Variants in LONP2 observed in about 807,000 individuals in gnomAD.
LONP2 encodes lon peptidase 2, peroxisomal.
LONP2 carries 60 observed loss-of-function variants against 85.6 expected under a neutral mutation model. The observed-to-expected ratio is 0.70, with a 90% confidence interval of 0.57 to 0.87. The LOEUF (loss-of-function observed/expected upper bound fraction) is 0.87, where lower values mean the gene tolerates loss of function less well. Among genes scored for constraint, LONP2 ranks in the 40% least tolerant of loss-of-function variants. The pLI is 0.00. For missense variants in LONP2, 860 were observed against 1,063.5 expected (o/e 0.81, Z 2.66); for synonymous variants, 395 against 389.7 (o/e 1.01, Z -0.16).
At chr16:48,328,583 C>T (rs1279417588) in intron 11 of LONP2, among the ~76,000 whole-genome samples, 1 of 150,754 alleles carries the variant, frequency 6.6e-6, no homozygotes, top group Non-Finnish European at 1.5e-5. Context: ...GAGGCTGAGG[C>T]AGGAGAATCA....
chr16:48,252,360 G>C lies in LONP2; in HGVS notation c.463G>C (p.Val155Leu). ...ELSEQFYKYAVQLVEMLDMSV... is the reference protein window; with the variant it reads ...ELSEQFYKYALQLVEMLDMSV... ...ATCAGAGCAGTTTTACAAATATGCA[G>C]TACAAGTAAGTTGCTTTTATTTTTT... The change falls in exon 2 of 15, where the codon GTA becomes CTA. Residue 155 changes from valine to leucine, a missense_variant. Coordinates refer to ENST00000285737, the MANE Select transcript of LONP2 (RefSeq NM_031490.5). 6.4e-7 allele frequency: 1 copy of C among 1,557,268 alleles called. No homozygotes were observed. The highest frequency in any genetic ancestry group is 8.7e-7 in the Non-Finnish European group (1 of 1,150,708).
intron 1 of LONP2, among the ~76,000 whole-genome samples, chr16:48,250,634 T>C (rs1002213539): frequency 1.3e-5 from 2 of 152,250 alleles, no homozygotes; most frequent in African/African-American, 4.8e-5. Flanking sequence ...GTAAACCCTT[T>C]AGGCCGGGGA....
intron 1 of LONP2, 131 bp downstream of exon 1, chr16:48,244,752 G>T: frequency 1.8e-6 from 1 of 553,480 alleles, no homozygotes; most frequent in Non-Finnish European, 2.8e-6. Flanking sequence ...CCGCCTCTCT[G>T]GTGCTATCAC....
At chr16:48,328,256 A>G (rs1168415035) in intron 11 of LONP2, among the ~76,000 whole-genome samples, 3 of 152,104 alleles carry the variant, frequency 2.0e-5, no homozygotes, top group African/African-American at 7.2e-5. Flanking sequence ...CTAAAAATAC[A>G]AAAATTGGGC....
intron 11 of LONP2, among the ~76,000 whole-genome samples, chr16:48,308,167 GA>G (rs1432609003): frequency 6.6e-6 from 1 of 152,168 alleles, no homozygotes; most frequent in African/African-American, 2.4e-5. Flanking sequence ...ACAGAATGCA[GA>G]AACTAGAAAT....
chr16:48,285,862 C>A (rs188421779), intron 8 of LONP2, among the ~76,000 whole-genome samples: 1 of 152,036 alleles, frequency 6.6e-6, no homozygotes, highest in African/African-American at 2.4e-5. Context: ...TAAGCACATT[C>A]GCATTGTTGT....
In LONP2 at chr16:48,265,335, GT is replaced by G. The variant is rs144139817; in HGVS notation, c.982+2467del. 6.7e-3 allele frequency among the ~76,000 whole-genome samples: 1,025 copies of G among 152,260 alleles called. 13 individuals carry two copies. Among genetic ancestry groups the G allele is most frequent in the African/African-American group, 0.023 (975 of 41,550 alleles). ...TTTTAAAATATATTTTGTTCTAGGAGTTTTACAGTTTCAGGCCTTACATTTA... is the reference window on the plus strand; with the variant it reads ...TTTTAAAATATATTTTGTTCTAGGAGTTTACAGTTTCAGGCCTTACATTTA... On this transcript the variant is annotated intron_variant, in intron 6 of 14. Coordinates refer to ENST00000285737, the MANE Select transcript of LONP2 (RefSeq NM_031490.5).
intron 7 of LONP2, among the ~76,000 whole-genome samples, chr16:48,276,191 G>A: frequency 6.6e-6 from 1 of 152,204 alleles, no homozygotes; most frequent in Non-Finnish European, 1.5e-5. Flanking sequence ...ACAGGACAAT[G>A]TTTATTGCCT....
intron 12 of LONP2, among the ~76,000 whole-genome samples, chr16:48,338,825 T>C (rs1210677992): frequency 1.3e-5 from 2 of 152,090 alleles, no homozygotes; most frequent in African/African-American, 4.8e-5. Context: ...GGAGGATCAC[T>C]TGAGCCTGGG....
chr16:48,256,137 T>G (rs972706860), intron 2 of LONP2, among the ~76,000 whole-genome samples: 1 of 152,184 alleles, frequency 6.6e-6, no homozygotes, highest in Non-Finnish European at 1.5e-5. Flanking sequence ...GATTAGAGAT[T>G]TAAAGAATAA....
chr16:48,296,011 C>T lies in LONP2; in HGVS notation c.1384-4C>T, dbSNP rs772010287. On this transcript the variant is annotated splice_polypyrimidine_tract_variant and splice_region_variant and intron_variant, in intron 8 of 14. Coordinates refer to ENST00000285737, the MANE Select transcript of LONP2 (RefSeq NM_031490.5). Reference sequence around the variant, plus strand: ...TTTTTAAAATGTTTTTTGTTCTCCCCTAGGTGTTGGATCCTGAACAAAACC... The same window carrying T: ...TTTTTAAAATGTTTTTTGTTCTCCCTTAGGTGTTGGATCCTGAACAAAACC... 3.1e-6 allele frequency: 5 copies of T among 1,611,086 alleles called. No homozygotes were observed. In the African/African-American group the frequency reaches 6.7e-5, roughly 22 times the overall value.
intron 11 of LONP2, among the ~76,000 whole-genome samples, chr16:48,310,942 C>T (rs777934286): frequency 7.2e-5 from 11 of 152,160 alleles, no homozygotes; most frequent in Admixed American, 2.6e-4. Context: ...ATACAAAATT[C>T]GAGTTTGACC....
At chr16:48,299,574 T>C (rs1258455301) in intron 9 of LONP2, 88 bp from the exon 10 acceptor site, 3 of 1,427,762 alleles carry the variant, frequency 2.1e-6, no homozygotes, top group Non-Finnish European at 1.9e-6. Context: ...AGAGCAAGAC[T>C]CTGTCTCTAA....
At chr16:48,314,213 G>A (rs1973094672) in intron 11 of LONP2, among the ~76,000 whole-genome samples, 4 of 151,464 alleles carry the variant, frequency 2.6e-5, no homozygotes, top group East Asian at 1.9e-4. Context: ...GACTTTTGTC[G>A]GGTGGATAGA....
rs1973197535 is a variant in LONP2, at chr16:48,318,686, G to A, written c.1795+15381G>A. ...CCTGCCACGTAAGCAAGTATACCTA[G>A]AGCCAAGGGGTCAGAGTGTCACAGA... On this transcript the variant is annotated intron_variant, in intron 11 of 14. Transcript: ENST00000285737. Among the ~76,000 whole-genome samples the A allele has an allele frequency of 1.2e-4, 19 of 152,292 alleles. No homozygotes were observed. In the South Asian group the frequency reaches 3.9e-3, roughly 32 times the overall value.
intron 6 of LONP2, among the ~76,000 whole-genome samples, chr16:48,264,473 G>T (rs1971947701): frequency 6.6e-6 from 1 of 152,188 alleles, no homozygotes; most frequent in Non-Finnish European, 1.5e-5. Flanking sequence ...AGAGTTTAAG[G>T]TTATCTCTCT....
chr16:48,343,249 C>T (rs1229626904), intron 12 of LONP2, among the ~76,000 whole-genome samples: 3 of 152,196 alleles, frequency 2.0e-5, no homozygotes, highest in East Asian at 1.9e-4. Flanking sequence ...TGGGTCTATA[C>T]GTGTTGATCT....
rs1972235679 is a variant in LONP2 at position 48,277,464 on chromosome 16, A to G, written c.1368A>G (p.Ala456=). 2 of 1,613,656 alleles carry G rather than the reference A, an allele frequency of 1.2e-6. No homozygotes were observed. The highest frequency in any genetic ancestry group is 1.7e-6 in the Non-Finnish European group (2 of 1,179,756). ...GAAAAAGTCTACAGGGTGATCCAGC[A>G]GCAGCTCTGCTTGAGGTAAGATTTG... ...KLGKSLQGDP[A]AALLEVLDPE... Residue 456 remains alanine, a synonymous_variant, in exon 8 of 15, where the codon GCA becomes GCG. Transcript: ENST00000285737.
intron 10 of LONP2, 99 bp from the exon 11 acceptor site, chr16:48,303,073 T>A: frequency 1.5e-6 from 2 of 1,348,744 alleles, no homozygotes; most frequent in Non-Finnish European, 2.0e-6. Context: ...TAATGAACTT[T>A]TAAATGTACA....
Sources: gnomAD v4.1 joint callset for allele counts (sites outside exome capture counted in the v4.1 genomes callset) on GRCh38, gnomAD v4.1.1 for gene constraint, MANE v1.5 for transcripts, NCBI Gene and HGNC (gene_info 2026-07-23, HGNC 2026-07-21) for gene names.